Variants in OSMR observed in about 807,000 individuals in gnomAD.
OSMR encodes the protein oncostatin-M-specific receptor subunit beta.
A neutral mutation model predicts 99.9 loss-of-function variants in OSMR; 81 were observed. That is an observed-to-expected ratio of 0.81 (90% CI 0.68 to 0.97). OSMR has a LOEUF of 0.97. Among genes scored for constraint, OSMR ranks in the 50% least tolerant of loss-of-function variants. The probability of loss-of-function intolerance (pLI) is 0.00; values close to 1 mark genes in which losing one functional copy is unlikely to be tolerated. For synonymous variants in OSMR, 406 were observed against 410.4 expected (o/e 0.99, Z 0.13); for missense variants, 1,099 against 1,153.4 (o/e 0.95, Z 0.68).
intron 9 of OSMR, among the ~76,000 whole-genome samples, chr5:38,908,625 G>A (rs1285453669): frequency 6.6e-6 from 1 of 152,212 alleles, no homozygotes; most frequent in Non-Finnish European, 1.5e-5. Flanking sequence ...TGCAGAGTTA[G>A]AGCATGCAGA....
chr5:38,942,703 G>A lies in OSMR; in HGVS notation c.75-1498G>A, dbSNP rs550796214. ...ATTCCTGGGCTCAAGCAATTCTCCC[G>A]CGCTGACCCCACAAAGTGCTGGGAT... On this transcript the variant is annotated intron_variant and NMD_transcript_variant, in intron 1 of 2. Coordinates refer to the OSMR transcript ENST00000508882. 85 of 712,064 alleles carry A rather than the reference G, an allele frequency of 1.2e-4. 1 individual carries two copies. The highest frequency in any genetic ancestry group is 2.5e-4 in the South Asian group (14 of 56,568). 44.1% of individuals were successfully genotyped at this position (712,064 alleles called of 1,614,324 possible). A position where few individuals can be genotyped will look rare whatever the true frequency, so the allele number is the denominator to read the frequency against.
intron 1 of OSMR, among the ~76,000 whole-genome samples, chr5:38,849,790 G>C (rs1740209237): frequency 6.6e-6 from 1 of 152,052 alleles, no homozygotes. Flanking sequence ...AGATTAACTG[G>C]GTCAGTTTGG....
intron 11 of OSMR, among the ~76,000 whole-genome samples, chr5:38,920,057 G>T (rs1166776957): frequency 6.6e-6 from 1 of 152,144 alleles, no homozygotes; most frequent in Admixed American, 6.5e-5. Flanking sequence ...GGAAAAGGGG[G>T]CATTTCATTC....
chr5:38,863,915 AC>A (rs1741719445), intron 1 of OSMR, among the ~76,000 whole-genome samples: 1 of 144,710 alleles, frequency 6.9e-6, no homozygotes, highest in Non-Finnish European at 1.6e-5. Flanking sequence ...ACATATAACA[AC>A]TTTCTTTTTC....
intron 1 of OSMR, chr5:38,943,055 A>T: frequency 1.0e-6 from 1 of 957,496 alleles, no homozygotes; most frequent in Non-Finnish European, 1.6e-6. Context: ...CTTTAAAAAT[A>T]GATTTCCCTA....
At chr5:38,921,209 A>G (rs1392561899) in intron 11 of OSMR, among the ~76,000 whole-genome samples, 2 of 152,208 alleles carry the variant, frequency 1.3e-5, no homozygotes, top group Non-Finnish European at 1.5e-5. Flanking sequence ...TCTCCATTAC[A>G]TATTTTATTA....
rs142472948 is a variant in OSMR at position 38,880,390 on chromosome 5, G to A, written c.247-1203G>A. The stretch of plus-strand genomic sequence containing the variant: ...CAGCTGTGGGGCAGGAAACAGGAGC[G>A]TTGGAGGAGGCACACTGAGGAGAAA... On this transcript the variant is annotated intron_variant, in intron 3 of 17. Coordinates refer to ENST00000274276, the MANE Select transcript of OSMR (RefSeq NM_003999.3). Among the ~76,000 whole-genome samples, 152 of 152,296 alleles carry A rather than the reference G, an allele frequency of 1.0e-3. 1 individual carries two copies. Among genetic ancestry groups the A allele is most frequent in the African/African-American group, 3.5e-3 (147 of 41,550 alleles).
chr5:38,872,144 C>A (rs2112271288), intron 2 of OSMR, among the ~76,000 whole-genome samples: 1 of 152,306 alleles, frequency 6.6e-6, no homozygotes, highest in East Asian at 1.9e-4. Flanking sequence ...ATTTAATAAT[C>A]TTTATGATTC....
downstream of OSMR, among the ~76,000 whole-genome samples, chr5:38,935,883 T>TAAC (rs1212976438): frequency 6.6e-6 from 1 of 152,190 alleles, no homozygotes; most frequent in East Asian, 1.9e-4. Flanking sequence ...TTCTGAAATA[T>TAAC]AACAACATGC....
Position 38,884,069 on chromosome 5 carries a change from A to G in OSMR, c.661A>G (p.Asn221Asp). Reference protein sequence around the residue: ...TNIYCEASQGNVSEGMKGIVL... With the variant: ...TNIYCEASQGDVSEGMKGIVL... ...TATCTATTGTGAGGCAAGTCAAGGA[A>G]ATGTCAGTGAAGGCATGAAAGGCAT... The change falls in exon 5 of 18, where the codon AAT becomes GAT. Residue 221 changes from asparagine to aspartate, a missense_variant. Physicochemically the swap from Asn to Asp is conservative, Grantham distance 23 (BLOSUM62 1). Transcript: ENST00000274276. 5 of 1,614,120 alleles carry G rather than the reference A, an allele frequency of 3.1e-6. No homozygotes were observed. The highest frequency in any genetic ancestry group is 1.3e-5 in the African/African-American group (1 of 75,052).
chr5:38,877,128 C>T (rs995069218), intron 3 of OSMR, among the ~76,000 whole-genome samples: 13 of 152,168 alleles, frequency 8.5e-5, no homozygotes, highest in East Asian at 1.9e-4. Context: ...GTCATTTTCA[C>T]GGGATATTTA....
intron 1 of OSMR, among the ~76,000 whole-genome samples, chr5:38,857,854 G>A (rs781174441): frequency 2.6e-5 from 4 of 152,006 alleles, no homozygotes; most frequent in Admixed American, 6.6e-5. Flanking sequence ...TTTTAGTAGA[G>A]ATGGGGTTTT....
intron 3 of OSMR, among the ~76,000 whole-genome samples, chr5:38,878,572 G>A (rs1743014192): frequency 6.6e-6 from 1 of 152,174 alleles, no homozygotes; most frequent in Admixed American, 6.5e-5. Flanking sequence ...AGTAGAGTAA[G>A]AGCTCAAGCT....
intron 1 of OSMR, among the ~76,000 whole-genome samples, chr5:38,860,463 A>C (rs1273367399): frequency 6.6e-6 from 1 of 151,900 alleles, no homozygotes. Flanking sequence ...GTTGGATTCT[A>C]TTTGCCTAGT....
intron 1 of OSMR, among the ~76,000 whole-genome samples, chr5:38,866,525 A>G (rs1202544186): frequency 6.6e-6 from 1 of 152,062 alleles, no homozygotes; most frequent in Non-Finnish European, 1.5e-5. Context: ...CCGGGTATAG[A>G]CTGAGTGAGG....
chr5:38,918,489 T>C (rs1379205298), intron 10 of OSMR, among the ~76,000 whole-genome samples: 1 of 151,966 alleles, frequency 6.6e-6, no homozygotes, highest in African/African-American at 2.4e-5. Context: ...GGTCCCAGGG[T>C]GGTGCTGTTT....
intron 15 of OSMR, among the ~76,000 whole-genome samples, chr5:38,930,898 A>G (rs11950125): frequency 0.016 from 2,478 of 150,262 alleles, 60 homozygotes; most frequent in African/African-American, 0.058. Context: ...GTTTAATGGG[A>G]AGATGCCCTT....
intron 1 of OSMR, chr5:38,941,764 T>C: frequency 4.3e-6 from 1 of 232,710 alleles, no homozygotes; most frequent in Non-Finnish European, 8.5e-6. Context: ...GAAGTAGTGT[T>C]ACAAACATTA....
chr5:38,924,513 T>C lies in OSMR; in HGVS notation c.1962T>C (p.Pro654=). Residue 654 remains proline (P), a synonymous_variant, in exon 14 of 18, where the codon CCT becomes CCC. Transcript: ENST00000274276. ...AAGATTACTCTACTGAATCTCAACC[T>C]GGTTTTATACAAGGGTACCATGTCT... The part of the protein sequence containing the change: ...SWKDYSTESQ[P]GFIQGYHVYL... The C allele has an allele frequency of 1.2e-6, 2 of 1,614,176 alleles. No homozygotes were observed. The highest frequency in any genetic ancestry group is 1.7e-6 in the Non-Finnish European group (2 of 1,179,978).
Sources: gnomAD v4.1 joint callset for allele counts (sites outside exome capture counted in the v4.1 genomes callset) on GRCh38, gnomAD v4.1.1 for gene constraint, MANE v1.5 for transcripts, NCBI Gene and HGNC (gene_info 2026-07-23, HGNC 2026-07-21) for gene names.